FALEC: variants seen among roughly 807,000 people sequenced by gnomAD.
FALEC encodes the protein focally amplified lncRNA regulator of ECM1.
chr1:150,535,020 A>G, the FALEC span, among the ~76,000 whole-genome samples: 37 of 152,188 alleles, frequency 2.4e-4, no homozygotes, highest in Admixed American at 1.1e-3. Context: ...CGGGGAACAG[A>G]GTTGACTGGT....
exon 2 of FALEC, chr1:150,517,789 C>T (rs1670589435): frequency 6.6e-6 from 1 of 152,256 alleles, no homozygotes; most frequent in African/African-American, 2.4e-5. Flanking sequence ...CTGACTAAGG[C>T]AGCAGAACAT....
downstream of FALEC, among the ~76,000 whole-genome samples, chr1:150,522,977 A>ATTTTT (rs1560270892): frequency 1.7e-4 from 4 of 24,076 alleles, no homozygotes; most frequent in Non-Finnish European, 3.0e-4. Context: ...ATATATATAT[A>ATTTTT]TATATATTTT....
chr1:150,522,858 T>TAC (rs1670663352), downstream of FALEC, among the ~76,000 whole-genome samples: 1 of 120,584 alleles, frequency 8.3e-6, no homozygotes, highest in Non-Finnish European at 1.7e-5. Context: ...TCTCTATATA[T>TAC]ATATATACGT....
the FALEC span, among the ~76,000 whole-genome samples, chr1:150,525,037 C>T: frequency 1.3e-5 from 2 of 150,870 alleles, no homozygotes; most frequent in South Asian, 2.1e-4. Flanking sequence ...TGGCTCACGC[C>T]TGTAATTCCA....
chr1:150,526,635 T>C, the FALEC span, among the ~76,000 whole-genome samples: 1 of 151,714 alleles, frequency 6.6e-6, no homozygotes, highest in African/African-American at 2.4e-5. Flanking sequence ...TTTTTATATA[T>C]TTATTTTTAT....
At chr1:150,536,373 G>T in the FALEC span, among the ~76,000 whole-genome samples, 1 of 152,214 alleles carries the variant, frequency 6.6e-6, no homozygotes, top group Non-Finnish European at 1.5e-5. Flanking sequence ...AAAAGGCCAA[G>T]ACTTGACACC....
chr1:150,530,361 A>C, the FALEC span, among the ~76,000 whole-genome samples: 9 of 152,134 alleles, frequency 5.9e-5, no homozygotes, highest in Admixed American at 4.6e-4. Context: ...GAGCACAGTT[A>C]CAGACAATTT....
At chr1:150,534,647 T>G in the FALEC span, among the ~76,000 whole-genome samples, 31 of 152,058 alleles carry the variant, frequency 2.0e-4, no homozygotes, top group East Asian at 1.6e-3. Context: ...ATCGAGACCA[T>G]CCTGGCCAAC....
chr1:150,522,982 TA>T (rs1203866326), downstream of FALEC, among the ~76,000 whole-genome samples: 589 of 50,138 alleles, frequency 0.012, 48 homozygotes, highest in Non-Finnish European at 0.018. Flanking sequence ...TATATATATA[TA>T]TTTTTTTTTT....
the FALEC span, among the ~76,000 whole-genome samples, chr1:150,524,251 G>C: frequency 0.014 from 2,151 of 152,168 alleles, 44 homozygotes; most frequent in African/African-American, 0.049. Flanking sequence ...ATGGCTTCAA[G>C]AGACACTCTC....
At chr1:150,523,443 T>TC in the FALEC span, among the ~76,000 whole-genome samples, 1 of 150,614 alleles carries the variant, frequency 6.6e-6, no homozygotes, top group Non-Finnish European at 1.5e-5. Context: ...TCACCTGAGG[T>TC]CAGGAGTTCG....
the FALEC span, among the ~76,000 whole-genome samples, chr1:150,529,743 G>A: frequency 6.6e-6 from 1 of 151,962 alleles, no homozygotes; most frequent in Non-Finnish European, 1.5e-5. Context: ...GACTACAGGC[G>A]CCTGCCACCA....
At chr1:150,525,583 TG>T in the FALEC span, among the ~76,000 whole-genome samples, 1 of 152,248 alleles carries the variant, frequency 6.6e-6, no homozygotes, top group African/African-American at 2.4e-5. Context: ...CTGTTGGTTT[TG>T]GTTGGTCCCA....
At chr1:150,524,507 A>G in the FALEC span, among the ~76,000 whole-genome samples, 1 of 152,234 alleles carries the variant, frequency 6.6e-6, no homozygotes, top group Non-Finnish European at 1.5e-5. Context: ...CTGAAAAACA[A>G]CATGGGTGTA....
the FALEC span, among the ~76,000 whole-genome samples, chr1:150,524,995 G>GA: frequency 0.025 from 2,480 of 98,224 alleles, 72 homozygotes; most frequent in Admixed American, 0.079. Flanking sequence ...ACCCTGTCTT[G>GA]AAAAAAAAAA....
chr1:150,528,444 A>G, the FALEC span, among the ~76,000 whole-genome samples: 2 of 152,130 alleles, frequency 1.3e-5, no homozygotes, highest in African/African-American at 4.8e-5. Flanking sequence ...TTCCTAGCCG[A>G]CATGTCATCC....
At chr1:150,518,887 T>A (rs1670604325), downstream of FALEC, among the ~76,000 whole-genome samples, 1 of 151,840 alleles carries the variant, frequency 6.6e-6, no homozygotes, top group Non-Finnish European at 1.5e-5. Context: ...TGAAACCACG[T>A]CTCTACCAAA....
chr1:150,521,205 T>C (rs1259800555), downstream of FALEC, among the ~76,000 whole-genome samples: 1 of 152,236 alleles, frequency 6.6e-6, no homozygotes, highest in Non-Finnish European at 1.5e-5. Flanking sequence ...AAATATGCTA[T>C]TATAAAAATG....
chr1:150,519,708 T>G (rs1670614803), downstream of FALEC, among the ~76,000 whole-genome samples: 1 of 150,938 alleles, frequency 6.6e-6, no homozygotes, highest in Non-Finnish European at 1.5e-5. Flanking sequence ...TACAAAAAAA[T>G]TAGCCGGGCA....
Sources: gnomAD v4.1 joint callset for allele counts (sites outside exome capture counted in the v4.1 genomes callset) on GRCh38, gnomAD v4.1.1 for gene constraint, MANE v1.5 for transcripts, NCBI Gene and HGNC (gene_info 2026-07-23, HGNC 2026-07-21) for gene names.